Variants in EDN1 observed in about 807,000 individuals in gnomAD.
EDN1 encodes the protein endothelin 1.
Under a neutral mutation model 21.7 loss-of-function variants are expected in EDN1, and 11 were observed. That is an observed-to-expected ratio of 0.51 (90% CI 0.32 to 0.84). The LOEUF (loss-of-function observed/expected upper bound fraction) is 0.84. Among genes scored for constraint, EDN1 ranks in the 40% least tolerant of loss-of-function variants. The pLI, the probability that EDN1 is intolerant of heterozygous loss-of-function variation, is 0.03. For synonymous variants in EDN1, 85 were observed against 90.6 expected (o/e 0.94, Z 0.35); for missense variants, 244 against 262.3 (o/e 0.93, Z 0.48).
the EDN1 span, among the ~76,000 whole-genome samples, chr6:12,271,271 A>T: frequency 6.6e-6 from 1 of 151,732 alleles, no homozygotes; most frequent in Non-Finnish European, 1.5e-5. Context: ...TTCCTCTCTT[A>T]TGGCTACATT....
At chr6:12,238,117 A>T in the EDN1 span, among the ~76,000 whole-genome samples, 1 of 139,188 alleles carries the variant, frequency 7.2e-6, no homozygotes, top group South Asian at 2.6e-4. Flanking sequence ...AGTTGCAGTG[A>T]GTTGAGATGG....
the EDN1 span, among the ~76,000 whole-genome samples, chr6:12,271,906 G>T: frequency 6.6e-6 from 1 of 152,118 alleles, no homozygotes; most frequent in Non-Finnish European, 1.5e-5. Context: ...GGCTTGTAAG[G>T]TTTCTTTTGA....
the EDN1 span, among the ~76,000 whole-genome samples, chr6:12,233,753 T>A: frequency 4.6e-5 from 7 of 152,252 alleles, no homozygotes; most frequent in Admixed American, 3.9e-4. Context: ...GCTGGAGGCA[T>A]CAGTCATTGC....
chr6:12,284,664 A>AAGAG, the EDN1 span, among the ~76,000 whole-genome samples: 1 of 134,960 alleles, frequency 7.4e-6, no homozygotes, highest in Non-Finnish European at 1.6e-5. Context: ...GAGAAAGAAA[A>AAGAG]AGAGAGAAAG....
At chr6:12,260,911 C>T in the EDN1 span, among the ~76,000 whole-genome samples, 2 of 152,166 alleles carry the variant, frequency 1.3e-5, no homozygotes, top group East Asian at 3.9e-4. Flanking sequence ...TGGTGAGACA[C>T]TCAAACAGTG....
chr6:12,261,229 A>G, the EDN1 span, among the ~76,000 whole-genome samples: 1 of 152,328 alleles, frequency 6.6e-6, no homozygotes, highest in South Asian at 2.1e-4. Flanking sequence ...CACCTCGAAG[A>G]GAAAAGTAGC....
chr6:12,275,944 C>G, the EDN1 span, among the ~76,000 whole-genome samples: 1 of 152,038 alleles, frequency 6.6e-6, no homozygotes, highest in South Asian at 2.1e-4. Context: ...GGGTGGATCA[C>G]AAGGTCAGGA....
chr6:12,276,936 T>C, the EDN1 span, among the ~76,000 whole-genome samples: 9 of 152,232 alleles, frequency 5.9e-5, no homozygotes, highest in Non-Finnish European at 1.2e-4. Context: ...TATAGACATA[T>C]GATTATTTTT....
At chr6:12,247,281 G>A in the EDN1 span, among the ~76,000 whole-genome samples, 1 of 152,110 alleles carries the variant, frequency 6.6e-6, no homozygotes, top group Non-Finnish European at 1.5e-5. Context: ...GTGAACCTTG[G>A]TGTGTAAATG....
the EDN1 span, among the ~76,000 whole-genome samples, chr6:12,258,488 C>T: frequency 6.5e-5 from 9 of 137,698 alleles, no homozygotes; most frequent in African/African-American, 1.7e-4. Context: ...TACATTCAGT[C>T]GCAACATTTC....
Position 12,293,953 on chromosome 6 carries a change from G to A in EDN1, c.246G>A (p.Pro82=), listed in dbSNP as rs376892399. 1.2e-4 allele frequency: 189 copies of A among 1,614,018 alleles called. No individual in the cohort carries two copies. Among genetic ancestry groups the A allele is most frequent in the South Asian group, 3.7e-4 (34 of 91,090 alleles). ...CTTTGGATAATAGGCACGTTGTTCC[G>A]TATGGACTTGGAAGCCCTAGGTCCA... ...IWVNTPEHVV[P]YGLGSPRSKR... Residue 82 remains proline, a synonymous_variant, in exon 3 of 5, where the codon CCG becomes CCA. Transcript: ENST00000379375.
the EDN1 span, among the ~76,000 whole-genome samples, chr6:12,279,512 C>T: frequency 1.3e-5 from 2 of 152,214 alleles, no homozygotes; most frequent in East Asian, 1.9e-4. Flanking sequence ...CTCTGAAACA[C>T]ATGGGAAGCT....
At chr6:12,262,486 G>T in the EDN1 span, among the ~76,000 whole-genome samples, 1 of 152,122 alleles carries the variant, frequency 6.6e-6, no homozygotes, top group African/African-American at 2.4e-5. Context: ...TGGGAGTGGC[G>T]CTGACTTTGG....
At chr6:12,230,723 C>A in the EDN1 span, among the ~76,000 whole-genome samples, 1 of 152,106 alleles carries the variant, frequency 6.6e-6, no homozygotes, top group Non-Finnish European at 1.5e-5. Flanking sequence ...CTCTGCATGT[C>A]CATGAATCTC....
chr6:12,231,301 C>T, the EDN1 span, among the ~76,000 whole-genome samples: 170 of 152,170 alleles, frequency 1.1e-3, no homozygotes, highest in Non-Finnish European at 2.0e-3. Flanking sequence ...AGTGTTCCAC[C>T]AACACTGCAA....
the EDN1 span, among the ~76,000 whole-genome samples, chr6:12,278,536 A>G: frequency 4.6e-5 from 7 of 152,162 alleles, no homozygotes; most frequent in Admixed American, 3.9e-4. Context: ...TCATTCTCAT[A>G]TATGCCACAC....
chr6:12,260,636 T>G, the EDN1 span, among the ~76,000 whole-genome samples: 3 of 152,222 alleles, frequency 2.0e-5, no homozygotes, highest in Non-Finnish European at 2.9e-5. Flanking sequence ...TATTGTTCCC[T>G]GCGAAACTCA....
chr6:12,287,710 T>TCACA (rs1762579735), upstream of EDN1, among the ~76,000 whole-genome samples: 4 of 67,400 alleles, frequency 5.9e-5, no homozygotes, highest in Non-Finnish European at 1.3e-4. Flanking sequence ...TCTCTCTCTC[T>TCACA]CTCACACACA....
the EDN1 span, among the ~76,000 whole-genome samples, chr6:12,255,317 G>C: frequency 6.6e-6 from 1 of 152,076 alleles, no homozygotes; most frequent in Non-Finnish European, 1.5e-5. Flanking sequence ...AGAGAAATAG[G>C]TTAGCATACT....
Sources: gnomAD v4.1 joint callset for allele counts (sites outside exome capture counted in the v4.1 genomes callset) on GRCh38, gnomAD v4.1.1 for gene constraint, MANE v1.5 for transcripts, NCBI Gene and HGNC (gene_info 2026-07-23, HGNC 2026-07-21) for gene names.